Variants in CWC25 observed in about 807,000 individuals in gnomAD.
CWC25 encodes CWC25 spliceosome associated protein, also known as pre-mRNA-splicing factor CWC25 homolog.
A neutral mutation model predicts 54.6 loss-of-function variants in CWC25; 31 were observed. The observed-to-expected ratio is 0.57, with a 90% CI of 0.43 to 0.77. The LOEUF is 0.77. Ranked by LOEUF, CWC25 falls within the 30% of genes least tolerant of loss-of-function variation. The pLI, the probability that CWC25 is intolerant of heterozygous loss-of-function variation, is 0.00. For synonymous variants in CWC25, 151 were observed against 187.0 expected, an observed-to-expected ratio of 0.81 and a Z score of 1.57; for missense variants, 453 against 529.3, an observed-to-expected ratio of 0.86 and a Z score of 1.41.
chr17:38,813,535 TAA>T (rs1416593921), intron 3 of CWC25, among the ~76,000 whole-genome samples: 4 of 121,666 alleles, frequency 3.3e-5, no homozygotes, highest in Non-Finnish European at 6.7e-5. Context: ...CTCACAAATA[TAA>T]GAGATTGTCT....
chr17:38,812,039 A>G (rs1911511432), intron 4 of CWC25, among the ~76,000 whole-genome samples: 1 of 151,964 alleles, frequency 6.6e-6, no homozygotes, highest in African/African-American at 2.4e-5. Context: ...CCCGGGTTCA[A>G]GCAAGTCTCC....
chr17:38,822,663 G>A (rs1278884476), intron 1 of CWC25, among the ~76,000 whole-genome samples: 1 of 152,120 alleles, frequency 6.6e-6, no homozygotes, highest in African/African-American at 2.4e-5. Context: ...TTTCCAAACA[G>A]AGGGGAACAG....
At chr17:38,806,257 G>T in intron 8 of CWC25, 40 bp downstream of exon 8, 1 of 1,523,474 alleles carries the variant, frequency 6.6e-7, no homozygotes, top group Non-Finnish European at 9.0e-7. Flanking sequence ...CTAGATTCAG[G>T]CCTGCAAAAT....
At chr17:38,804,487 C>T (rs1911148033) in intron 8 of CWC25, among the ~76,000 whole-genome samples, 1 of 151,822 alleles carries the variant, frequency 6.6e-6, no homozygotes, top group Non-Finnish European at 1.5e-5. Flanking sequence ...CTGGACAACA[C>T]ATTGAAACCC....
At chr17:38,820,786 C>G in intron 2 of CWC25, 115 bp downstream of exon 2, 1 of 1,225,338 alleles carries the variant, frequency 8.2e-7, no homozygotes, top group South Asian at 1.6e-5. Flanking sequence ...CCAGGTGAGT[C>G]TGGCATTACA....
chr17:38,802,402 G>A (rs1281132036), intron 9 of CWC25, among the ~76,000 whole-genome samples, 196 bp from the exon 10 acceptor site: 1 of 152,192 alleles, frequency 6.6e-6, no homozygotes, highest in South Asian at 2.1e-4. Flanking sequence ...AAGGGAAAAT[G>A]TATCTGTTTT....
intron 7 of CWC25, 130 bp from the exon 8 acceptor site, chr17:38,806,525 A>G: frequency 1.2e-6 from 1 of 860,830 alleles, no homozygotes; most frequent in Non-Finnish European, 1.8e-6. Flanking sequence ...AAACAAAGGT[A>G]TAGGGTTTGA....
At chr17:38,811,430 G>A (rs1353374679) in intron 4 of CWC25, among the ~76,000 whole-genome samples, 2 of 151,848 alleles carry the variant, frequency 1.3e-5, no homozygotes, top group South Asian at 2.1e-4. Flanking sequence ...CTACTCAGGA[G>A]GCTGAGGCAG....
At chr17:38,822,389 C>T (rs1254827676) in intron 1 of CWC25, among the ~76,000 whole-genome samples, 3 of 152,064 alleles carry the variant, frequency 2.0e-5, no homozygotes, top group Admixed American at 1.3e-4. Context: ...GGAACTCAAC[C>T]TACCTTAGCT....
intron 2 of CWC25, chr17:38,815,548 T>C: frequency 3.0e-6 from 2 of 663,226 alleles, no homozygotes; most frequent in South Asian, 2.9e-5. Context: ...CCAGACCTTG[T>C]CTCAAATAAA....
At chr17:38,808,218 C>G (rs1411979994) in intron 6 of CWC25, among the ~76,000 whole-genome samples, 1 of 137,002 alleles carries the variant, frequency 7.3e-6, no homozygotes, top group Non-Finnish European at 1.6e-5. Flanking sequence ...CCCCTCTCTA[C>G]TAAAAATACA....
chr17:38,810,721 G>A (rs144335710), intron 4 of CWC25, 126 bp from the exon 5 acceptor site: 175 of 668,446 alleles, frequency 2.6e-4, no homozygotes, highest in African/African-American at 2.4e-3. Context: ...TCCGGAGTTC[G>A]AGACCAGCCT....
Position 38,814,852 on chromosome 17 carries a change from C to A in CWC25, c.428+9G>T, listed in dbSNP as rs759073747. 3.1e-6 allele frequency: 5 copies of A among 1,606,618 alleles called. No individual in the cohort carries two copies. The highest frequency in any genetic ancestry group is 2.2e-5 in the East Asian group (1 of 44,762). On this transcript the variant is annotated intron_variant, in intron 3 of 9. Transcript: ENST00000614790. ...GTAACAAACCCCCTTCCTAGCCCCCCATTAGTACCTGATGATGAAGAGTGG... is the reference window on the plus strand; with the variant it reads ...GTAACAAACCCCCTTCCTAGCCCCCAATTAGTACCTGATGATGAAGAGTGG...
intron 2 of CWC25, 68 bp from the exon 3 acceptor site, chr17:38,815,165 A>C: frequency 7.3e-7 from 1 of 1,368,096 alleles, no homozygotes; most frequent in Non-Finnish European, 1.0e-6. Flanking sequence ...CTACACCTAA[A>C]ACCTGGACAC....
At chr17:38,817,560 G>A (rs1257245902) in intron 2 of CWC25, among the ~76,000 whole-genome samples, 8 of 151,748 alleles carry the variant, frequency 5.3e-5, no homozygotes, top group African/African-American at 7.3e-5. Flanking sequence ...AGGCAAAGAT[G>A]GGCGGATCAC....
rs112918086 is a variant in CWC25, at chr17:38,805,968, A to G, written c.1001+329T>C. 5.3e-5 allele frequency among the ~76,000 whole-genome samples: 8 copies of G among 152,218 alleles called. 1 individual carries two copies. Among genetic ancestry groups the G allele is most frequent in the African/African-American group, 1.9e-4 (8 of 41,530 alleles). ...ACTGGGATTACAGGCATGTGCCACC[A>G]TGACCAACTAATTTTATATTTTTAG... On this transcript the variant is annotated intron_variant, in intron 8 of 9. Coordinates refer to ENST00000614790, the MANE Select transcript of CWC25 (RefSeq NM_017748.5).
In CWC25 at chr17:38,801,859, C is replaced by G. The variant is rs1911041395; in HGVS notation, c.*233G>C. On this transcript the variant is annotated 3_prime_UTR_variant, in exon 10 of 10. Coordinates refer to ENST00000614790, the MANE Select transcript of CWC25 (RefSeq NM_017748.5). ...CACAAGCACTCCCACCGAGATGGTC[C>G]AGTGCCCACCCGTTAAAGAGTCAAA... 1 of 412,164 alleles carries G rather than the reference C, an allele frequency of 2.4e-6. No homozygotes were observed. The highest frequency in any genetic ancestry group is 2.0e-5 in the African/African-American group (1 of 49,506). 25.5% of individuals were successfully genotyped at this position (412,164 alleles called of 1,614,324 possible).
At position 38,806,359 on chromosome 17, in the gene CWC25, T is replaced by C. The variant is rs756526203; in HGVS notation, c.939A>G (p.Gln313=). The change falls in exon 8 of 10, where the codon CAA becomes CAG. Residue 313 remains glutamine, a synonymous_variant. Transcript: ENST00000614790. ...CTTTTTTAGGTGATGGGCTCCTAGT[T>C]TGGCCTGTCTCTCTCCTGTTCACCT... ...NSKVNRRETG[Q]TRSPSPKKEV... 4 of 1,613,618 alleles carry C rather than the reference T, an allele frequency of 2.5e-6. No individual in the cohort carries two copies. Among genetic ancestry groups the C allele is most frequent in the East Asian group, 2.2e-5 (1 of 44,896 alleles).
In CWC25 at chr17:38,815,046, C is replaced by T. The variant is rs200594509; in HGVS notation, c.243G>A (p.Val81=). 102 of 1,613,862 alleles carry T rather than the reference C, an allele frequency of 6.3e-5. 1 individual carries two copies. The South Asian group carries it at 1.1e-3, about 17-fold the overall frequency. ...DWMYQGPGGM[V]NRDEYLLGRP... is the part of the protein sequence containing the mutation. ...GCCCCAGCAGGTACTCGTCACGGTTCACCATCCCACCAGGACCCTGGTACA... is the reference window on the plus strand; with the variant it reads ...GCCCCAGCAGGTACTCGTCACGGTTTACCATCCCACCAGGACCCTGGTACA... Residue 81 remains valine (V), a synonymous_variant, in exon 3 of 10, where the codon GTG becomes GTA. Transcript: ENST00000614790.
Sources: gnomAD v4.1 joint callset for allele counts (sites outside exome capture counted in the v4.1 genomes callset) on GRCh38, gnomAD v4.1.1 for gene constraint, MANE v1.5 for transcripts, NCBI Gene and HGNC (gene_info 2026-07-23, HGNC 2026-07-21) for gene names.